Variants in OTOGL observed in about 807,000 individuals in gnomAD.
OTOGL encodes the protein otogelin-like protein.
A neutral mutation model predicts 318.5 loss-of-function variants in OTOGL; 285 were observed. That is an observed-to-expected ratio of 0.89 (90% confidence interval 0.81 to 0.99). The LOEUF is 0.99. OTOGL is among the 50% of genes least tolerant of loss of function. The pLI is 0.00. For missense variants in OTOGL, 2,899 were observed against 2,845.6 expected (o/e 1.02, Z -0.43); for synonymous variants, 987 against 936.5 (o/e 1.05, Z -0.99).
At chr12:80,324,048 T>C (rs1231394491) in intron 35 of OTOGL, among the ~76,000 whole-genome samples, 1 of 152,218 alleles carries the variant, frequency 6.6e-6, no homozygotes, top group Non-Finnish European at 1.5e-5. Flanking sequence ...GAGACAGTAC[T>C]GAACAAAATA....
chr12:80,278,125 A>C, intron 24 of OTOGL, 43 bp from the exon 25 acceptor site: 3 of 1,401,102 alleles, frequency 2.1e-6, no homozygotes, highest in Non-Finnish European at 3.0e-6. Context: ...AAAACTGAAA[A>C]CTGTAGTTCA....
chr12:80,317,449 A>G (rs1446587629), intron 32 of OTOGL, among the ~76,000 whole-genome samples: 1 of 152,100 alleles, frequency 6.6e-6, no homozygotes, highest in Non-Finnish European at 1.5e-5. Flanking sequence ...TTGCTGTATT[A>G]AGGGGTGTGT....
intron 1 of OTOGL, among the ~76,000 whole-genome samples, chr12:80,134,326 TC>T (rs1368245273): frequency 6.6e-6 from 1 of 152,236 alleles, no homozygotes; most frequent in Middle Eastern, 3.2e-3. Flanking sequence ...AAAGGGCACT[TC>T]TTTAGGGACC....
At position 80,378,823 on chromosome 12, in the gene OTOGL, C is replaced by T. The variant is rs12298202; in HGVS notation, c.*775C>T. On this transcript the variant is annotated 3_prime_UTR_variant, in exon 59 of 59. Coordinates refer to ENST00000547103, the MANE Select transcript of OTOGL (RefSeq NM_001378609.3). ...GTTTAACATATTTGAAAAATGCCCCCCATACATTGTTATTCCAATAGTAAG... is the reference window on the plus strand; with the variant it reads ...GTTTAACATATTTGAAAAATGCCCCTCATACATTGTTATTCCAATAGTAAG... The T allele has an allele frequency of 0.11, 16,037 of 151,946 alleles. 1,813 individuals carry two copies. The highest frequency in any genetic ancestry group is 0.28 in the African/African-American group (11,696 of 41,424). 9.4% of individuals were successfully genotyped at this position (151,946 alleles called of 1,614,324 possible). A position where few individuals can be genotyped will look rare whatever the true frequency, so the allele number is the denominator to read the frequency against.
intron 44 of OTOGL, among the ~76,000 whole-genome samples, chr12:80,343,007 G>C (rs193215346): frequency 6.6e-6 from 1 of 152,128 alleles, no homozygotes; most frequent in South Asian, 2.1e-4. Context: ...TCAGCCTCCC[G>C]AGTAGCTGGG....
chr12:80,264,289 C>A (rs1882778663), intron 19 of OTOGL, among the ~76,000 whole-genome samples: 1 of 152,082 alleles, frequency 6.6e-6, no homozygotes, highest in African/African-American at 2.4e-5. Context: ...CAGTCATTCT[C>A]AAGGGAAAAA....
chr12:80,172,294 C>CTTT (rs1565887402), intron 1 of OTOGL, among the ~76,000 whole-genome samples: 3 of 151,912 alleles, frequency 2.0e-5, no homozygotes, highest in Admixed American at 6.5e-5. Flanking sequence ...AGTGATACCT[C>CTTT]CTTTGAGCCC....
intron 29 of OTOGL, among the ~76,000 whole-genome samples, chr12:80,306,794 TTTA>T (rs10668230): frequency 0.061 from 7,933 of 129,112 alleles, 261 homozygotes; most frequent in South Asian, 0.075. Flanking sequence ...TAAATTTTAT[TTTA>T]TTATTATTAT....
chr12:80,366,384 A>T (rs756957380), intron 52 of OTOGL, 190 bp from the exon 53 acceptor site: 1 of 468,110 alleles, frequency 2.1e-6, no homozygotes, highest in Non-Finnish European at 4.2e-6. Context: ...ATTGCCCTAC[A>T]GAAGCTCAGA....
rs1231447925 is a variant in OTOGL, at chr12:80,219,891, C to G, written c.313C>G (p.Leu105Val). 2.5e-6 allele frequency: 4 copies of G among 1,582,498 alleles called. No homozygotes were observed. The highest frequency in any genetic ancestry group is 2.2e-5 in the East Asian group (1 of 44,672). Residue 105 changes from leucine (L) to valine (V), a missense_variant, in exon 6 of 59, where the codon CTT becomes GTT. This residue lies in a region of OTOGL where 2,607 missense variants were observed against 2,524.9 expected (regional missense o/e 1.03). Coordinates refer to ENST00000547103, the MANE Select transcript of OTOGL (RefSeq NM_001378609.3). ...GTCDCQIFQALGTRCQIIPNM... is the reference protein window; with the variant it reads ...GTCDCQIFQAVGTRCQIIPNM... ...ATGTGACTGTCAAATATTTCAGGCT[C>G]TTGGGACAAGATGCCAGATCAGTAA...
intron 57 of OTOGL, among the ~76,000 whole-genome samples, chr12:80,372,917 C>T (rs1391163141): frequency 6.6e-6 from 1 of 151,946 alleles, no homozygotes; most frequent in Non-Finnish European, 1.5e-5. Flanking sequence ...AAACTCCTGG[C>T]CTCAAGTGAT....
intron 52 of OTOGL, among the ~76,000 whole-genome samples, chr12:80,365,047 A>G (rs917729134): frequency 2.0e-5 from 3 of 152,120 alleles, no homozygotes; most frequent in Admixed American, 2.0e-4. Context: ...CTTATACACT[A>G]CTGGTGGCAG....
chr12:80,176,757 G>A (rs959217348), intron 1 of OTOGL, among the ~76,000 whole-genome samples: 1 of 151,996 alleles, frequency 6.6e-6, no homozygotes, highest in South Asian at 2.1e-4. Context: ...GTAAAAACTT[G>A]GGTATAGAAT....
chr12:80,218,940 G>A (rs931530822), intron 5 of OTOGL, among the ~76,000 whole-genome samples: 23 of 149,954 alleles, frequency 1.5e-4, no homozygotes, highest in Admixed American at 1.4e-3. Context: ...GATTACAGGT[G>A]TCTACCACCA....
At chr12:80,356,590 T>C in intron 48 of OTOGL, 70 bp downstream of exon 48, 1 of 1,244,986 alleles carries the variant, frequency 8.0e-7, no homozygotes, top group Non-Finnish European at 1.1e-6. Flanking sequence ...TAGATTCTCA[T>C]TCATTGTGTC....
chr12:80,222,069 A>T, intron 6 of OTOGL, 22 bp from the exon 7 acceptor site: 1 of 1,586,156 alleles, frequency 6.3e-7, no homozygotes. Context: ...TGCCTACAAA[A>T]TATTATCCTG....
intron 7 of OTOGL, among the ~76,000 whole-genome samples, chr12:80,228,567 C>T (rs1486927108): frequency 6.6e-6 from 1 of 152,058 alleles, no homozygotes; most frequent in African/African-American, 2.4e-5. Flanking sequence ...TCTTTTCCAC[C>T]TCTATAGTTG....
rs776826150 is a variant in OTOGL at position 80,323,846 on chromosome 12, TAACGTTTACC to T, written c.4199+9_4199+18del. The T allele has an allele frequency of 1.9e-6, 3 of 1,591,250 alleles. No individual in the cohort carries two copies. The highest frequency in any genetic ancestry group is 2.6e-6 in the Non-Finnish European group (3 of 1,159,504). On this transcript the variant is annotated splice_region_variant and intron_variant, in intron 35 of 58. Coordinates refer to ENST00000547103, the MANE Select transcript of OTOGL (RefSeq NM_001378609.3). ...GCATGTAAATTTCTTCCACCGTAAG[TAACGTTTACC>T]AATAAGTGATCAAAGTCCAGCCTTA...
At chr12:80,364,885 G>C (rs1238265442) in intron 52 of OTOGL, among the ~76,000 whole-genome samples, 1 of 152,006 alleles carries the variant, frequency 6.6e-6, no homozygotes, top group Non-Finnish European at 1.5e-5. Context: ...ACATCGTTAA[G>C]TATCATTTAA....
Sources: gnomAD v4.1 joint callset for allele counts (sites outside exome capture counted in the v4.1 genomes callset) on GRCh38, gnomAD v4.1.1 for gene constraint, gnomAD v4.1.1 regional missense constraint, MANE v1.5 for transcripts, NCBI Gene and HGNC (gene_info 2026-07-23, HGNC 2026-07-21) for gene names.